The following NUP210 variants were observed in gnomAD, a reference collection of about 807,000 sequenced individuals.
NUP210 encodes the protein nuclear pore membrane glycoprotein 210.
Under a neutral mutation model 196.0 loss-of-function variants are expected in NUP210, and 151 were observed. That is an observed-to-expected ratio of 0.77 (90% CI 0.67 to 0.88). NUP210 has a LOEUF of 0.88. Among genes scored for constraint, NUP210 ranks in the 40% least tolerant of loss-of-function variants. The pLI is 0.00. For synonymous variants in NUP210, 1,070 were observed against 1,052.7 expected (o/e 1.02, Z -0.32); for missense variants, 2,314 against 2,493.7 (o/e 0.93, Z 1.53).
chr3:13,354,137 T>C, intron 16 of NUP210, 30 bp from the exon 17 acceptor site: 8 of 1,553,592 alleles, frequency 5.1e-6, no homozygotes, highest in Non-Finnish European at 6.1e-6. Flanking sequence ...GATGTTGTGG[T>C]CACCCCCAGG....
chr3:13,353,848 A>G, intron 17 of NUP210, 67 bp downstream of exon 17: 1 of 1,492,854 alleles, frequency 6.7e-7, no homozygotes, highest in African/African-American at 1.4e-5. Context: ...GCACTGGCCC[A>G]CCTTGGCAGG....
At chr3:13,329,103 A>G (rs1310175836) in intron 30 of NUP210, among the ~76,000 whole-genome samples, 157 bp from the exon 31 acceptor site, 1 of 152,004 alleles carries the variant, frequency 6.6e-6, no homozygotes, top group Non-Finnish European at 1.5e-5. Context: ...TAAAGGCCAC[A>G]CTCCCCAGAG....
intron 1 of NUP210, among the ~76,000 whole-genome samples, chr3:13,414,861 A>G (rs1700294339): frequency 1.3e-5 from 2 of 152,194 alleles, no homozygotes; most frequent in Non-Finnish European, 2.9e-5. Flanking sequence ...TCCGGCAATC[A>G]ACTGTGAGTC....
At chr3:13,327,090 C>T in intron 32 of NUP210, 127 bp downstream of exon 32, 1 of 690,728 alleles carries the variant, frequency 1.4e-6, no homozygotes, top group Non-Finnish European at 2.4e-6. Flanking sequence ...GAGCACTGCT[C>T]CTGAGTATCC....
At chr3:13,342,915 T>C (rs1321858997) in intron 21 of NUP210, among the ~76,000 whole-genome samples, 1 of 152,238 alleles carries the variant, frequency 6.6e-6, no homozygotes, top group Non-Finnish European at 1.5e-5. Context: ...TCCCAGGTCA[T>C]GGCTAATTTA....
intron 14 of NUP210, among the ~76,000 whole-genome samples, chr3:13,364,109 T>C (rs1011404960): frequency 1.3e-5 from 2 of 152,118 alleles, no homozygotes; most frequent in Non-Finnish European, 2.9e-5. Flanking sequence ...TCCACCCCCA[T>C]CACCCCTTCA....
At chr3:13,364,713 A>G (rs1383383528) in intron 14 of NUP210, among the ~76,000 whole-genome samples, 1 of 152,174 alleles carries the variant, frequency 6.6e-6, no homozygotes, top group Non-Finnish European at 1.5e-5. Context: ...CTGTAATCCC[A>G]GCTACTCAGG....
intron 39 of NUP210, among the ~76,000 whole-genome samples, chr3:13,318,419 A>AG: frequency 6.6e-6 from 1 of 152,268 alleles, no homozygotes; most frequent in East Asian, 1.9e-4. Flanking sequence ...TTCTTTCAAA[A>AG]AAATTCAGGG....
intron 1 of NUP210, among the ~76,000 whole-genome samples, chr3:13,411,567 C>G (rs1700175079): frequency 6.6e-6 from 1 of 152,148 alleles, no homozygotes; most frequent in Admixed American, 6.5e-5. Flanking sequence ...TCACCACCCC[C>G]ACATCTCCTC....
At chr3:13,400,179 T>C (rs1180923934) in intron 1 of NUP210, among the ~76,000 whole-genome samples, 1 of 152,110 alleles carries the variant, frequency 6.6e-6, no homozygotes, top group African/African-American at 2.4e-5. Context: ...CCTGCAGATG[T>C]GGGAGTCGTT....
chr3:13,401,302 T>C (rs1699832459), intron 1 of NUP210, among the ~76,000 whole-genome samples: 2 of 132,862 alleles, frequency 1.5e-5, no homozygotes, highest in African/African-American at 5.8e-5. Context: ...GGAACACACC[T>C]AGGCAGATGT....
intron 22 of NUP210, 40 bp from the exon 23 acceptor site, chr3:13,341,923 C>A: frequency 6.2e-7 from 1 of 1,613,464 alleles, no homozygotes; most frequent in Non-Finnish European, 8.5e-7. Context: ...CCAAGACCAC[C>A]CCGTGGGAAA....
Position 13,399,774 on chromosome 3 carries a change from G to C in NUP210, c.255C>G (p.Arg85=). Residue 85 remains arginine (R), a synonymous_variant, in exon 2 of 40, where the codon CGC becomes CGG. Coordinates refer to ENST00000254508, the MANE Select transcript of NUP210 (RefSeq NM_024923.4). ...QCSQKAVVQA[R]LTQPARLTSI... ...TGGTGAGGCGGGCAGGCTGGGTCAG[G>C]CGGGCCTGCACCACTGCCTTCTGGG... 1.2e-6 allele frequency: 2 copies of C among 1,614,088 alleles called. No individual in the cohort carries two copies. The highest frequency in any genetic ancestry group is 1.7e-6 in the Non-Finnish European group (2 of 1,180,004).
Position 13,358,213 on chromosome 3 carries a change from C to T in NUP210, c.2328+9G>A, listed in dbSNP as rs989811043. On this transcript the variant is annotated intron_variant, in intron 16 of 39. Coordinates refer to ENST00000254508, the MANE Select transcript of NUP210 (RefSeq NM_024923.4). ...CCCTCACCTCCTCCCGAGCATAGCC[C>T]ACACTCACCACCTGCTTGTTCTGCT... 2.5e-6 allele frequency: 4 copies of T among 1,596,368 alleles called. No homozygotes were observed. Among genetic ancestry groups the T allele is most frequent in the Non-Finnish European group, 3.4e-6 (4 of 1,168,298 alleles).
At chr3:13,337,499 G>T (rs1284468345) in intron 26 of NUP210, among the ~76,000 whole-genome samples, 1 of 152,244 alleles carries the variant, frequency 6.6e-6, no homozygotes, top group Non-Finnish European at 1.5e-5. Context: ...CACGAAGATG[G>T]TTCTGACACC....
chr3:13,418,770 A>G (rs1251037517), intron 1 of NUP210, among the ~76,000 whole-genome samples: 2 of 151,654 alleles, frequency 1.3e-5, no homozygotes, highest in Non-Finnish European at 2.9e-5. Context: ...CCTGGGCAAC[A>G]AGGGCTGGAG....
chr3:13,386,342 G>A lies in NUP210; in HGVS notation c.750C>T (p.Asp250=), dbSNP rs774092149. The A allele has an allele frequency of 3.3e-5, 54 of 1,614,034 alleles. No individual in the cohort carries two copies. Among genetic ancestry groups the A allele is most frequent in the Middle Eastern group, 3.3e-4 (2 of 6,084 alleles). ...LENILLNPAY[D]VYLMVGTSIH... ...TGGAGGTTCCCACCATCAGGTAGAC[G>A]TCATAGGCCGGGTTCAGAAGGATGT... The change falls in exon 6 of 40, where the codon GAC becomes GAT. Residue 250 remains aspartate (D), a synonymous_variant. Transcript: ENST00000254508.
intron 14 of NUP210, 99 bp downstream of exon 14, chr3:13,365,847 G>C: frequency 7.7e-7 from 1 of 1,304,322 alleles, no homozygotes; most frequent in Non-Finnish European, 1.1e-6. Flanking sequence ...TATTTTGAAG[G>C]AATCGGGTTT....
intron 13 of NUP210, among the ~76,000 whole-genome samples, chr3:13,371,612 C>T (rs926003186): frequency 6.6e-6 from 1 of 152,240 alleles, no homozygotes. Flanking sequence ...GATGTGAAAA[C>T]TGAGGCTGAG....
Sources: allele counts gnomAD v4.1 joint callset (sites outside exome capture counted in the v4.1 genomes callset), GRCh38; gene constraint gnomAD v4.1.1; transcripts MANE v1.5; gene names NCBI Gene and HGNC (gene_info 2026-07-23, HGNC 2026-07-21).